Variants in TCN2 observed in about 807,000 individuals in gnomAD.
TCN2 encodes the protein transcobalamin 2.
TCN2 carries 34 observed loss-of-function variants against 48.6 expected under a neutral mutation model. The observed-to-expected ratio is 0.70, with a 90% CI of 0.53 to 0.93. The LOEUF is 0.93. Among genes scored for constraint, TCN2 ranks in the 40% least tolerant of loss-of-function variants. The pLI is 0.00. For missense variants in TCN2, 652 were observed against 526.1 expected (o/e 1.24, Z -2.34); for synonymous variants, 283 against 212.5 (o/e 1.33, Z -2.89).
At chr22:30,614,108 T>C (rs1329892295) in intron 3 of TCN2, among the ~76,000 whole-genome samples, 1 of 152,170 alleles carries the variant, frequency 6.6e-6, no homozygotes, top group Admixed American at 6.5e-5. Flanking sequence ...GCATGAGCAA[T>C]TGCTGTGGTT....
chr22:30,626,039 G>GT (rs2087803957), intron 8 of TCN2, among the ~76,000 whole-genome samples: 1 of 152,116 alleles, frequency 6.6e-6, no homozygotes, highest in Non-Finnish European at 1.5e-5. Flanking sequence ...TAAATAACTT[G>GT]TCCAGAGTCA....
At chr22:30,609,329 T>TCAGC (rs1283112534) in intron 1 of TCN2, among the ~76,000 whole-genome samples, 1 of 152,042 alleles carries the variant, frequency 6.6e-6, no homozygotes, top group Non-Finnish European at 1.5e-5. Context: ...TCAACAGCAA[T>TCAGC]CAGCCCTTAG....
intron 1 of TCN2, among the ~76,000 whole-genome samples, chr22:30,609,263 A>G (rs4820881): frequency 0.048 from 7,273 of 151,798 alleles, 294 homozygotes; most frequent in African/African-American, 0.099. Context: ...TTGGCCTCCC[A>G]AACTGCTGGT....
At chr22:30,620,384 C>T (rs924686534) in intron 7 of TCN2, among the ~76,000 whole-genome samples, 6 of 152,212 alleles carry the variant, frequency 3.9e-5, no homozygotes, top group African/African-American at 1.4e-4. Flanking sequence ...AAACCAATAC[C>T]ATTCAAATAA....
chr22:30,623,377 A>G, intron 8 of TCN2: 1 of 322,534 alleles, frequency 3.1e-6, no homozygotes. Context: ...TTTGAGATGG[A>G]GTTTCGCTCT....
intron 7 of TCN2, among the ~76,000 whole-genome samples, chr22:30,621,627 T>TG (rs763023272): frequency 6.6e-6 from 1 of 152,020 alleles, no homozygotes; most frequent in Non-Finnish European, 1.5e-5. Context: ...GGATTACAGG[T>TG]GTGCACCACC....
In TCN2 at chr22:30,626,622, C is replaced by T. The variant is rs2087815199; in HGVS notation, c.*101C>T. On this transcript the variant is annotated 3_prime_UTR_variant, in exon 9 of 9. Transcript: ENST00000215838. ...GGAACTCGCCTGACCCTGCTGCCAC[C>T]TCCTGTGCACTTTGAGCAATGCCCC... 4 of 1,323,496 alleles carry T rather than the reference C, an allele frequency of 3.0e-6. No individual in the cohort carries two copies. Among genetic ancestry groups the T allele is most frequent in the African/African-American group, 2.9e-5 (2 of 69,292 alleles). The allele number at this position is 1,323,496 out of a possible 1,614,324, so 82.0% of individuals were successfully genotyped here.
intron 2 of TCN2, among the ~76,000 whole-genome samples, chr22:30,611,320 C>T (rs560348910): frequency 6.6e-6 from 1 of 151,768 alleles, no homozygotes; most frequent in Admixed American, 6.5e-5. Flanking sequence ...TGACTATACT[C>T]TTTGATGATG....
In TCN2 at chr22:30,615,778, G is replaced by A. The variant is rs2087605207; in HGVS notation, c.931G>A (p.Ala311Thr). The A allele has an allele frequency of 6.2e-7, 1 of 1,614,058 alleles. No individual in the cohort carries two copies. Among genetic ancestry groups the A allele is most frequent in the Admixed American group, 1.7e-5 (1 of 59,988 alleles). Residue 311 changes from alanine to threonine, a missense_variant, in exon 6 of 9, where the codon GCA (alanine) becomes ACA (threonine). Coordinates refer to ENST00000215838, the MANE Select transcript of TCN2 (RefSeq NM_000355.4). ...YIDLIFPDCL[A>T]PRVMLEPAAE... ...TGATCTGATCTTCCCAGACTGTCTGGCACCACGAGGTAGCCCAACTTTTTG... is the reference window on the plus strand; with the variant it reads ...TGATCTGATCTTCCCAGACTGTCTGACACCACGAGGTAGCCCAACTTTTTG...
intron 2 of TCN2, among the ~76,000 whole-genome samples, chr22:30,611,716 C>G (rs1235426030): frequency 1.3e-5 from 2 of 152,202 alleles, no homozygotes; most frequent in Non-Finnish European, 2.9e-5. Context: ...CCATGTTGGC[C>G]AGGCTGGTCT....
intron 6 of TCN2, among the ~76,000 whole-genome samples, chr22:30,616,282 G>C (rs927549752): frequency 6.6e-6 from 1 of 152,028 alleles, no homozygotes; most frequent in African/African-American, 2.4e-5. Flanking sequence ...TCAGGAGTTC[G>C]AGACCAGCCT....
chr22:30,614,296 C>T, intron 3 of TCN2, 53 bp from the exon 4 acceptor site: 4 of 1,588,248 alleles, frequency 2.5e-6, no homozygotes, highest in Non-Finnish European at 3.4e-6. Flanking sequence ...GCTGGCGGGG[C>T]TGGCTGCTGG....
chr22:30,612,650 G>A (rs1308758875), intron 2 of TCN2, among the ~76,000 whole-genome samples: 1 of 152,232 alleles, frequency 6.6e-6, no homozygotes, highest in Admixed American at 6.5e-5. Context: ...TCTGGACACA[G>A]GAGCCCTTGG....
At position 30,614,403 on chromosome 22, in the gene TCN2, T is replaced by C. The variant is rs763642038; in HGVS notation, c.482T>C (p.Ile161Thr). The stretch of plus-strand genomic sequence containing the variant: ...AGCTACTACCAGTATGGCCTGGGCA[T>C]TCTGGCCCTGTGTCTCCACCAGAAG... ...HTSYYQYGLGILALCLHQKRV... is the reference protein window; with the variant it reads ...HTSYYQYGLGTLALCLHQKRV... Residue 161 changes from isoleucine to threonine, a missense_variant, in exon 4 of 9, where the codon ATT becomes ACT. Transcript: ENST00000215838. 2.3e-5 allele frequency: 37 copies of C among 1,614,164 alleles called. No individual in the cohort carries two copies. In the South Asian group the frequency reaches 4.0e-4, roughly 17 times the overall value.
intron 8 of TCN2, chr22:30,623,315 G>T: frequency 1.9e-6 from 1 of 530,210 alleles, no homozygotes; most frequent in South Asian, 2.2e-5. Flanking sequence ...AAAAAAACTA[G>T]AAGAAAATTA....
chr22:30,625,672 T>C (rs1240539865), intron 8 of TCN2, among the ~76,000 whole-genome samples: 1 of 152,144 alleles, frequency 6.6e-6, no homozygotes, highest in Non-Finnish European at 1.5e-5. Flanking sequence ...CCATGTTGCA[T>C]AGGCTGGTCT....
At chr22:30,614,157 C>T (rs2087577503) in intron 3 of TCN2, among the ~76,000 whole-genome samples, 192 bp from the exon 4 acceptor site, 1 of 152,184 alleles carries the variant, frequency 6.6e-6, no homozygotes, top group Non-Finnish European at 1.5e-5. Context: ...CCATGGGTCT[C>T]CTGCTTCCTC....
rs932382635 is a variant in TCN2 at position 30,610,959 on chromosome 22, C to T, written c.153C>T (p.Asn51=). ...ACCGGCTTTCCCTGGAGCACTTGAA[C>T]CCCAGCATCTATGTGGGCCTACGCC... ...WMDRLSLEHL[N]PSIYVGLRLS... is the part of the protein sequence containing the mutation. Residue 51 remains asparagine (N), a synonymous_variant, in exon 2 of 9, where the codon AAC becomes AAT. Coordinates refer to ENST00000215838, the MANE Select transcript of TCN2 (RefSeq NM_000355.4). 6.2e-7 allele frequency: 1 copy of T among 1,614,204 alleles called. No individual in the cohort carries two copies. The highest frequency in any genetic ancestry group is 8.5e-7 in the Non-Finnish European group (1 of 1,180,038).
intron 7 of TCN2, among the ~76,000 whole-genome samples, chr22:30,621,982 C>T (rs552655329): frequency 2.0e-5 from 3 of 152,226 alleles, no homozygotes; most frequent in East Asian, 1.9e-4. Flanking sequence ...ACGTGGCCCA[C>T]GGAGTTTGTT....
Sources: allele counts gnomAD v4.1 joint callset (sites outside exome capture counted in the v4.1 genomes callset), GRCh38; gene constraint gnomAD v4.1.1; transcripts MANE v1.5; gene names NCBI Gene and HGNC (gene_info 2026-07-23, HGNC 2026-07-21).